Variants in TGM2 observed in about 807,000 individuals in gnomAD.
TGM2 encodes transglutaminase 2.
In TGM2, 53 loss-of-function variants were observed where a neutral mutation model predicts 75.6. The observed-to-expected ratio is 0.70, with a 90% CI of 0.56 to 0.88. TGM2 has a LOEUF of 0.88. Ranked by LOEUF, TGM2 falls within the 40% of genes least tolerant of loss-of-function variation. TGM2 has a pLI of 0.00. For missense variants in TGM2, 842 were observed against 928.5 expected, an observed-to-expected ratio of 0.91 and a Z score of 1.21; for synonymous variants, 374 against 381.1, an observed-to-expected ratio of 0.98 and a Z score of 0.22.
intron 2 of TGM2, among the ~76,000 whole-genome samples, chr20:38,156,434 T>A (rs2075188537): frequency 6.6e-6 from 1 of 152,280 alleles, no homozygotes; most frequent in Non-Finnish European, 1.5e-5. Context: ...CCCATCCCTC[T>A]CTCTGGGATC....
Position 38,131,108 on chromosome 20 carries a change from T to C in TGM2, c.1898A>G (p.Gln633Arg), listed in dbSNP as rs1568680631. ...TVEGAGLTEE[Q>R]KTVEIPDPVE... ...CAGCACTTACATCTCCACCGTCTTC[T>C]GCTCCTCAGTCAGGCCGGCCCCCTC... The change falls in exon 12 of 13, where the codon CAG (glutamine) becomes CGG (arginine). Residue 633 changes from glutamine (Q) to arginine (R), a missense_variant. Physicochemically the swap from Gln to Arg is conservative, Grantham distance 43 (BLOSUM62 1). Transcript: ENST00000361475. 2 of 1,612,898 alleles carry C rather than the reference T, an allele frequency of 1.2e-6. No homozygotes were observed. Among genetic ancestry groups the C allele is most frequent in the Non-Finnish European group, 1.7e-6 (2 of 1,179,984 alleles).
chr20:38,165,384 G>A (rs889670488), upstream of TGM2: 16 of 792,986 alleles, frequency 2.0e-5, no homozygotes, highest in Non-Finnish European at 2.9e-5. Context: ...CCGGGCCCAC[G>A]CCGCCAGCGC....
chr20:38,139,051 T>C (rs1367923154), intron 9 of TGM2, among the ~76,000 whole-genome samples: 1 of 152,262 alleles, frequency 6.6e-6, no homozygotes, highest in Non-Finnish European at 1.5e-5. Context: ...TATGGTTTCT[T>C]AGTCCCCTCT....
chr20:38,133,037 C>A (rs371166200), intron 10 of TGM2: 9 of 357,420 alleles, frequency 2.5e-5, no homozygotes, highest in African/African-American at 1.5e-4. Flanking sequence ...TACCACCCAA[C>A]TTACAGATGA....
intron 11 of TGM2, among the ~76,000 whole-genome samples, chr20:38,131,530 A>G (rs1448967279): frequency 6.6e-6 from 1 of 151,952 alleles, no homozygotes; most frequent in Non-Finnish European, 1.5e-5. Flanking sequence ...AGCCAGGCTG[A>G]TCTCTGCCTC....
chr20:38,131,180 A>C lies in TGM2; in HGVS notation c.1826T>G (p.Leu609Arg). 1.2e-6 allele frequency: 2 copies of C among 1,613,916 alleles called. No homozygotes were observed. The highest frequency in any genetic ancestry group is 8.5e-7 in the Non-Finnish European group (1 of 1,180,020). Residue 609 changes from leucine (L) to arginine (R), a missense_variant, in exon 12 of 13, where the codon CTG becomes CGG. Physicochemically the swap from Leu to Arg is moderately radical, Grantham distance 102. Coordinates refer to ENST00000361475, the MANE Select transcript of TGM2 (RefSeq NM_004613.4). ...CAGGGCCACAGGGAGCGGGTTCTGC[A>C]GGGACACCTCAGCCACCAGCTTGCG... Reference protein sequence around the residue: ...QKRKLVAEVSLQNPLPVALEG... With the variant: ...QKRKLVAEVSRQNPLPVALEG...
intron 6 of TGM2, chr20:38,145,787 T>A (rs1724145820): frequency 7.9e-6 from 1 of 127,272 alleles, no homozygotes; most frequent in African/African-American, 3.3e-5. Flanking sequence ...TTTTTTTTTT[T>A]GAGAGAGGAT....
chr20:38,161,325 T>C, intron 2 of TGM2, 95 bp downstream of exon 2: 1 of 1,489,374 alleles, frequency 6.7e-7, no homozygotes, highest in Non-Finnish European at 9.2e-7. Context: ...GTAAAGTTAT[T>C]TGTCCTGTTC....
rs45442202 is a variant in TGM2, at chr20:38,146,730, G to A, written c.846C>T (p.Ala282=). The change falls in exon 6 of 13, where the codon GCC becomes GCT. Residue 282 remains alanine (A), a synonymous_variant. Transcript: ENST00000361475. Reference sequence around the variant, plus strand: ...CGTGCAGCTCACCTGTGCAGGCCACGGCGGCGAAGACCCAGCACTGGCCAT... The same window carrying A: ...CGTGCAGCTCACCTGTGCAGGCCACAGCGGCGAAGACCCAGCACTGGCCAT... ...VKYGQCWVFA[A]VACTVLRCLG... The A allele has an allele frequency of 1.7e-3, 2,816 of 1,612,966 alleles. 33 individuals carry two copies. In the African/African-American group the frequency reaches 0.027, roughly 16 times the overall value.
intron 8 of TGM2, 75 bp downstream of exon 8, chr20:38,141,207 C>A: frequency 7.7e-7 from 1 of 1,296,902 alleles, no homozygotes; most frequent in South Asian, 1.3e-5. Context: ...TTCTGCCGCC[C>A]TCCAGCTGAG....
intron 2 of TGM2, among the ~76,000 whole-genome samples, chr20:38,157,366 C>G (rs1165263257): frequency 6.6e-6 from 1 of 152,228 alleles, no homozygotes; most frequent in Non-Finnish European, 1.5e-5. Flanking sequence ...ACTTCCAGAG[C>G]TGGCATTTGG....
At chr20:38,146,254 T>C (rs1276306152) in intron 6 of TGM2, 1 of 184,332 alleles carries the variant, frequency 5.4e-6, no homozygotes, top group Non-Finnish European at 1.1e-5. Flanking sequence ...TACTGGCTAA[T>C]ATTTGCCGAG....
intron 3 of TGM2, among the ~76,000 whole-genome samples, chr20:38,152,094 A>G (rs1390866195): frequency 2.0e-5 from 3 of 152,230 alleles, no homozygotes; most frequent in African/African-American, 7.2e-5. Context: ...AATTACAGCT[A>G]TCTCAATATT....
rs955688055 is a variant in TGM2 at position 38,127,843 on chromosome 20, T to A, written c.*2376A>T. 6.6e-6 allele frequency: 1 copy of A among 152,226 alleles called. No individual in the cohort carries two copies. The highest frequency in any genetic ancestry group is 2.4e-5 in the African/African-American group (1 of 41,468). The allele number at this position is 152,226 out of a possible 1,614,324, so 9.4% of individuals were successfully genotyped here. On this transcript the variant is annotated 3_prime_UTR_variant, in exon 13 of 13. Coordinates refer to ENST00000361475, the MANE Select transcript of TGM2 (RefSeq NM_004613.4). ...ACTAGAAAATTCTAAATTACATATG[T>A]GGCTTGCATTTGTGGCTCATGTATT...
rs563459657 is a variant in TGM2, at chr20:38,162,018, G to T, written c.11-419C>A. On this transcript the variant is annotated intron_variant, in intron 1 of 12. Coordinates refer to ENST00000361475, the MANE Select transcript of TGM2 (RefSeq NM_004613.4). ...AGCTAATTTCTTCATTTTTGGTTTT[G>T]CCATGTTGCCCAGGCTGCTCTCGAA... is the stretch of plus-strand genomic sequence containing the variant. Among the ~76,000 whole-genome samples, 6 of 152,220 alleles carry T rather than the reference G, an allele frequency of 3.9e-5. No individual in the cohort carries two copies. The East Asian group carries it at 1.2e-3, about 29-fold the overall frequency.
intron 2 of TGM2, among the ~76,000 whole-genome samples, chr20:38,157,606 C>T (rs1267772602): frequency 6.6e-6 from 1 of 152,250 alleles, no homozygotes; most frequent in Non-Finnish European, 1.5e-5. Flanking sequence ...ACAGTTTTCT[C>T]ATCTGTAAAA....
At chr20:38,135,575 G>T (rs981127012) in intron 10 of TGM2, among the ~76,000 whole-genome samples, 2 of 148,906 alleles carry the variant, frequency 1.3e-5, no homozygotes, top group Non-Finnish European at 3.0e-5. Context: ...CAGGCAGCAG[G>T]AACTAGAACT....
chr20:38,132,247 G>A lies in TGM2; in HGVS notation c.1776+93C>T, dbSNP rs1163492132. 4.2e-6 allele frequency: 6 copies of A among 1,440,544 alleles called. No homozygotes were observed. The Admixed American group carries it at 1.0e-4, about 24-fold the overall frequency. 89.2% of individuals were successfully genotyped at this position (1,440,544 alleles called of 1,614,324 possible). On this transcript the variant is annotated intron_variant, in intron 11 of 12. Transcript: ENST00000361475. ...AGGCACCAAAGGTCTGGAGCTTGCA[G>A]GGATGCAGGTGTGTGGGGTGGGGGT...
At chr20:38,154,043 TCCTGCCTCAAGTGATCCC>T (rs1187889485) in intron 3 of TGM2, among the ~76,000 whole-genome samples, 1 of 152,174 alleles carries the variant, frequency 6.6e-6, no homozygotes, top group African/African-American at 2.4e-5. Context: ...GGTCTTGAAC[TCCTGCCTCAAGTGATCCC>T]CCTGCCTCAG....
Sources: gnomAD v4.1 joint callset for allele counts (sites outside exome capture counted in the v4.1 genomes callset) on GRCh38, gnomAD v4.1.1 for gene constraint, MANE v1.5 for transcripts, NCBI Gene and HGNC (gene_info 2026-07-23, HGNC 2026-07-21) for gene names.